IMPDH1: variants seen among roughly 807,000 people sequenced by gnomAD.
IMPDH1 encodes inosine monophosphate dehydrogenase 1.
IMPDH1 carries 41 observed loss-of-function variants against 73.5 expected under a neutral mutation model. That is an observed-to-expected ratio of 0.56 (90% CI 0.43 to 0.72). IMPDH1 has a LOEUF of 0.72. Among genes scored for constraint, IMPDH1 ranks in the 30% least tolerant of loss-of-function variants. The pLI is 0.00. For synonymous variants in IMPDH1, 318 were observed against 334.3 expected (o/e 0.95, Z 0.53); for missense variants, 645 against 824.8 (o/e 0.78, Z 2.67).
intron 9 of IMPDH1, 38 bp downstream of exon 9, chr7:128,400,057 C>A: frequency 6.8e-7 from 1 of 1,466,608 alleles, no homozygotes; most frequent in South Asian, 1.1e-5. Flanking sequence ...GACAGGGAGT[C>A]AGGCTGGGGG....
In IMPDH1 at chr7:128,394,573, T is replaced by C. The variant is rs1297514827; in HGVS notation, c.1577A>G (p.Gln526Arg). ...FSEGDKVKIA[Q>R]GVSGSIQDKG... ...GTCCTGGATGGAGCCCGAGACACCC[T>C]GCGCGATCTTCACTTTATCCCCCTC... The change falls in exon 15 of 17, where the codon CAG (glutamine) becomes CGG (arginine). Residue 526 changes from glutamine to arginine, a missense_variant. Around this residue, in one of 2 missense-constraint regions of IMPDH1, gnomAD observed 459 missense variants for 638.2 expected, o/e 0.72. Transcript: ENST00000338791. The surrounding 1 kb of genome is among the most constrained non-coding windows in gnomAD (Gnocchi z 5.5). The C allele has an allele frequency of 6.2e-7, 1 of 1,613,784 alleles. No homozygotes were observed. The highest frequency in any genetic ancestry group is 8.5e-7 in the Non-Finnish European group (1 of 1,179,974).
chr7:128,401,093 C>A lies in IMPDH1; in HGVS notation c.426G>T (p.Arg142=), dbSNP rs965327543. 5.6e-6 allele frequency: 9 copies of A among 1,613,866 alleles called. No individual in the cohort carries two copies. The highest frequency in any genetic ancestry group is 6.8e-6 in the Non-Finnish European group (8 of 1,180,002). The part of the protein sequence containing the change: ...DEVDLTSALT[R]KITLKTPLIS... Reference sequence around the variant, plus strand: ...TCAGTGGCGTCTTCAGCGTGATCTTCCGGGTCAGGGCTGAGGTCAGGTCCT... The same window carrying A: ...TCAGTGGCGTCTTCAGCGTGATCTTACGGGTCAGGGCTGAGGTCAGGTCCT... The change falls in exon 6 of 17, where the codon CGG becomes CGT. Residue 142 remains arginine (R), a synonymous_variant. Coordinates refer to ENST00000338791, the MANE Select transcript of IMPDH1 (RefSeq NM_000883.4).
At chr7:128,405,910 CCCGCCGCTG>C (rs1288795504) in intron 3 of IMPDH1, 45 bp from the exon 4 acceptor site, 34 of 1,470,530 alleles carry the variant, frequency 2.3e-5, no homozygotes, top group South Asian at 1.8e-4. Context: ...CGCGCGGCCG[CCCGCCGCTG>C]CCGCCGCTGC....
chr7:128,400,306 G>A (rs1584734159), intron 8 of IMPDH1, 27 bp downstream of exon 8: 1 of 1,610,560 alleles, frequency 6.2e-7, no homozygotes, highest in Non-Finnish European at 8.5e-7. Context: ...TCTACACCCA[G>A]CCCTGCTTCC....
rs776133883 is a variant in IMPDH1, at chr7:128,409,342, T to G, written c.201A>C (p.Ser67=). 1 of 1,614,136 alleles carries G rather than the reference T, an allele frequency of 6.2e-7. No individual in the cohort carries two copies. Among genetic ancestry groups the G allele is most frequent in the Non-Finnish European group, 8.5e-7 (1 of 1,180,000 alleles). The change falls in exon 3 of 17, where the codon TCA becomes TCC. Residue 67 remains serine, a synonymous_variant. Transcript: ENST00000338791. The stretch of plus-strand genomic sequence containing the variant: ...CACCAACACCTGCCAGTAAGACCAC[T>G]GAAGATAGTTCTAGGAGGAAACAGC... ...HPTTPRSELS[S]VVLLAGVGVQ... is the part of the protein sequence containing the mutation.
At position 128,394,421 on chromosome 7, in the gene IMPDH1, A is replaced by G. The variant is rs1309005173; in HGVS notation, c.1694+35T>C. ...CCAAGGGTGGAGAAGAGCGAGAGAAAGGAAGCAGGAGCCACCCCCAGTCTC... is the reference window on the plus strand; with the variant it reads ...CCAAGGGTGGAGAAGAGCGAGAGAAGGGAAGCAGGAGCCACCCCCAGTCTC... On this transcript the variant is annotated intron_variant, in intron 15 of 16. Coordinates refer to ENST00000338791, the MANE Select transcript of IMPDH1 (RefSeq NM_000883.4). This position sits in a 1 kb window ranked among gnomAD's most constrained non-coding sequence, Gnocchi z 5.5. 1 of 1,613,836 alleles carries G rather than the reference A, an allele frequency of 6.2e-7. No homozygotes were observed. The highest frequency in any genetic ancestry group is 8.5e-7 in the Non-Finnish European group (1 of 1,179,934).
At position 128,400,080 on chromosome 7, in the gene IMPDH1, C is replaced by G; in HGVS notation, c.874+15G>C. ...GTCAGGCTGGGGGTTGAGTTTTCAA[C>G]TAGCTCCCTGGTACCTTTCTTGCTA... On this transcript the variant is annotated intron_variant, in intron 9 of 16. Transcript: ENST00000338791. 6.3e-7 allele frequency: 1 copy of G among 1,598,012 alleles called. No homozygotes were observed. The highest frequency in any genetic ancestry group is 8.6e-7 in the Non-Finnish European group (1 of 1,169,120).
chr7:128,400,742 G>A, intron 7 of IMPDH1, 75 bp downstream of exon 7: 2 of 1,332,788 alleles, frequency 1.5e-6, no homozygotes, highest in South Asian at 1.2e-5. Flanking sequence ...TGCAGGGCTG[G>A]CAGGGGAGGC....
rs535780492 is a variant in IMPDH1 at position 128,394,126 on chromosome 7, G to A, written c.1778+152C>T. On this transcript the variant is annotated intron_variant, in intron 16 of 16. Transcript: ENST00000338791. This position sits in a 1 kb window ranked among gnomAD's most constrained non-coding sequence, Gnocchi z 5.5. ...ACAAGGAACAGGGGGCTGGGCCCCC[G>A]AAGAGAGGGTGAGGGGCCATCCTGC... The A allele has an allele frequency of 5.5e-4, 381 of 693,424 alleles. 1 individual carries two copies. The highest frequency in any genetic ancestry group is 3.9e-4 in the Middle Eastern group (1 of 2,586). 43.0% of individuals were successfully genotyped at this position (693,424 alleles called of 1,614,324 possible).
At chr7:128,395,334 G>C (rs928976894) in intron 12 of IMPDH1, 60 bp from the exon 13 acceptor site, 5 of 1,592,748 alleles carry the variant, frequency 3.1e-6, no homozygotes, top group Non-Finnish European at 4.3e-6. Context: ...GGGGCCTGGA[G>C]CGGGGCCAGC....
rs1280551090 is a variant in IMPDH1 at position 128,392,814 on chromosome 7, G to A, written c.*193C>T. 1 of 596,226 alleles carries A rather than the reference G, an allele frequency of 1.7e-6. No individual in the cohort carries two copies. The highest frequency in any genetic ancestry group is 2.9e-5 in the East Asian group (1 of 34,864). The allele number at this position is 596,226 out of a possible 1,614,324, so 36.9% of individuals were successfully genotyped here. Reference sequence around the variant, plus strand: ...CTCCCAGGGCAGCCTGGCCCCGGGAGCAGTCCTGACTCTGCAGGGGATGCC... The same window carrying A: ...CTCCCAGGGCAGCCTGGCCCCGGGAACAGTCCTGACTCTGCAGGGGATGCC... On this transcript the variant is annotated 3_prime_UTR_variant, in exon 17 of 17. Transcript: ENST00000338791.
chr7:128,400,413 C>T lies in IMPDH1; in HGVS notation c.706G>A (p.Gly236Ser), dbSNP rs1584734704. ...GIPITETGTM[G>S]SKLVGIVTSR... ...GTGACGATGCCCACCAGCTTGCTGC[C>T]CATGGTGCCCGTCTCAGTGATGGGG... The change falls in exon 8 of 17, where the codon GGC becomes AGC. Residue 236 changes from glycine (G) to serine (S), a missense_variant. Around this residue, in one of 2 missense-constraint regions of IMPDH1, gnomAD observed 459 missense variants for 638.2 expected, o/e 0.72. Transcript: ENST00000338791. 5 of 1,612,428 alleles carry T rather than the reference C, an allele frequency of 3.1e-6. No homozygotes were observed. The highest frequency in any genetic ancestry group is 1.3e-5 in the African/African-American group (1 of 75,002).
chr7:128,403,203 C>T (rs1170350908), intron 5 of IMPDH1, among the ~76,000 whole-genome samples: 2 of 152,196 alleles, frequency 1.3e-5, no homozygotes, highest in African/African-American at 4.8e-5. Context: ...CCCATAGCTG[C>T]CTCTGCCCCA....
chr7:128,393,819 C>G (rs1797707877), intron 16 of IMPDH1: 1 of 293,944 alleles, frequency 3.4e-6, no homozygotes, highest in Admixed American at 4.7e-5. Flanking sequence ...CAGGGTGGGG[C>G]ACATGCCTGC....
rs1797737738 is a variant in IMPDH1 at position 128,394,184 on chromosome 7, G to A, written c.1778+94C>T. The A allele has an allele frequency of 1.0e-6, 1 of 1,001,308 alleles. No individual in the cohort carries two copies. The highest frequency in any genetic ancestry group is 1.6e-6 in the Non-Finnish European group (1 of 631,548). The allele number at this position is 1,001,308 out of a possible 1,614,324, so 62.0% of individuals were successfully genotyped here. Reference sequence around the variant, plus strand: ...TCTGTCCCTGCTGCAGGTGGTCCATGGGGTCCCTGGAACCTCAGCTTGACC... The same window carrying A: ...TCTGTCCCTGCTGCAGGTGGTCCATAGGGTCCCTGGAACCTCAGCTTGACC... On this transcript the variant is annotated intron_variant, in intron 16 of 16. Transcript: ENST00000338791. The surrounding 1 kb of genome is among the most constrained non-coding windows in gnomAD (Gnocchi z 5.5).
At position 128,398,016 on chromosome 7, in the gene IMPDH1, T is replaced by C. The variant is rs189855126; in HGVS notation, c.1074+398A>G. 1.3e-5 allele frequency among the ~76,000 whole-genome samples: 2 copies of C among 152,338 alleles called. No individual in the cohort carries two copies. Among genetic ancestry groups the C allele is most frequent in the Admixed American group, 6.5e-5 (1 of 15,306 alleles). On this transcript the variant is annotated intron_variant, in intron 10 of 16. Coordinates refer to ENST00000338791, the MANE Select transcript of IMPDH1 (RefSeq NM_000883.4). This position sits in a 1 kb window ranked among gnomAD's most constrained non-coding sequence, Gnocchi z 4.3. ...GTTTTCTGCTTTGGAGTTAGTTCAC[T>C]AAGGATAATGGCTTCTAGCTCTGTC... is the stretch of plus-strand genomic sequence containing the variant.
intron 16 of IMPDH1, among the ~76,000 whole-genome samples, chr7:128,393,936 T>G (rs1235260181): frequency 5.3e-5 from 8 of 152,130 alleles, no homozygotes; most frequent in Non-Finnish European, 2.9e-5. Context: ...CACCCGCATC[T>G]TCTGCCTGGC....
Position 128,394,469 on chromosome 7 carries a change from G to A in IMPDH1, c.1681C>T (p.Leu561=). 1 of 1,614,136 alleles carries A rather than the reference G, an allele frequency of 6.2e-7. No homozygotes were observed. Among genetic ancestry groups the A allele is most frequent in the Non-Finnish European group, 8.5e-7 (1 of 1,180,032 alleles). ...CTCAGCACTCACCGAAGGACAGACA[G>A]GCTGCGGGCCCCGATATCCTGGCAG... ...HGCQDIGARS[L]SVLRSMMYSG... Residue 561 remains leucine, a synonymous_variant, in exon 15 of 17, where the codon CTG becomes TTG. Transcript: ENST00000338791. This position sits in a 1 kb window ranked among gnomAD's most constrained non-coding sequence, Gnocchi z 5.5.
chr7:128,404,894 A>C (rs950454537), intron 4 of IMPDH1, among the ~76,000 whole-genome samples: 2 of 152,200 alleles, frequency 1.3e-5, no homozygotes, highest in African/African-American at 4.8e-5. Context: ...GCCTACGGGC[A>C]GGCAGGAGGA....
Sources: allele counts gnomAD v4.1 joint callset (sites outside exome capture counted in the v4.1 genomes callset), GRCh38; gene constraint gnomAD v4.1.1; regional missense constraint gnomAD v4.1.1; non-coding constraint Gnocchi (gnomAD v3.1); transcripts MANE v1.5; gene names NCBI Gene and HGNC (gene_info 2026-07-23, HGNC 2026-07-21).